Variants in CEP170 observed in about 807,000 individuals in gnomAD.
CEP170 encodes the protein centrosomal protein of 170 kDa.
Under a neutral mutation model 151.9 loss-of-function variants are expected in CEP170, and 21 were observed. The observed-to-expected ratio is 0.14, with a 90% CI of 0.10 to 0.20. The LOEUF (loss-of-function observed/expected upper bound fraction) is 0.20. CEP170 is among the 10% of genes least tolerant of loss of function. The pLI, the probability that CEP170 is intolerant of heterozygous loss-of-function variation, is 1.00. For missense variants in CEP170, 964 were observed against 1,892.9 expected (o/e 0.51, Z 9.11); for synonymous variants, 356 against 648.8 (o/e 0.55, Z 6.86).
At chr1:243,137,381 G>A (rs2055217536) in intron 16 of CEP170, among the ~76,000 whole-genome samples, 1 of 152,212 alleles carries the variant, frequency 6.6e-6, no homozygotes, top group Non-Finnish European at 1.5e-5. Context: ...ACTGGGAGAG[G>A]TGACGGTAAT....
chr1:243,250,729 T>C (rs556364025), intron 1 of CEP170, among the ~76,000 whole-genome samples: 4 of 152,342 alleles, frequency 2.6e-5, no homozygotes, highest in African/African-American at 9.6e-5. Context: ...TACCTTGAAT[T>C]ACATAAATAT....
intron 4 of CEP170, among the ~76,000 whole-genome samples, chr1:243,206,746 G>A (rs1193760020): frequency 6.6e-6 from 1 of 152,008 alleles, no homozygotes; most frequent in East Asian, 1.9e-4. Flanking sequence ...TGTAGTATGG[G>A]GTTTGTGACA....
At chr1:243,149,898 A>G (rs1572255936) in intron 14 of CEP170, among the ~76,000 whole-genome samples, 1 of 151,992 alleles carries the variant, frequency 6.6e-6, no homozygotes, top group Non-Finnish European at 1.5e-5. Flanking sequence ...ATTACAAGTA[A>G]TTTGGTTTTT....
chr1:243,250,877 A>G (rs2065876591), intron 1 of CEP170, among the ~76,000 whole-genome samples: 1 of 152,218 alleles, frequency 6.6e-6, no homozygotes, highest in South Asian at 2.1e-4. Flanking sequence ...GAAAGGGACA[A>G]TTTCACTGCA....
At chr1:243,160,341 A>G (rs1046864877) in intron 13 of CEP170, among the ~76,000 whole-genome samples, 4 of 152,138 alleles carry the variant, frequency 2.6e-5, no homozygotes, top group Non-Finnish European at 5.9e-5. Flanking sequence ...TAGACAGCAT[A>G]TATATTAAAA....
intron 3 of CEP170, among the ~76,000 whole-genome samples, chr1:243,212,592 C>T (rs1045959429): frequency 5.9e-5 from 9 of 152,082 alleles, no homozygotes; most frequent in South Asian, 2.1e-4. Context: ...TTCCAAACAA[C>T]GCTAAAAGTG....
intron 14 of CEP170, among the ~76,000 whole-genome samples, chr1:243,145,014 T>A (rs1020228620): frequency 6.6e-6 from 1 of 152,106 alleles, no homozygotes; most frequent in African/African-American, 2.4e-5. Flanking sequence ...AAGTTTATAA[T>A]TTTCCTATGT....
In CEP170 at chr1:243,166,113, G is replaced by C; in HGVS notation, c.1847C>G (p.Thr616Arg). 1 of 1,612,548 alleles carries C rather than the reference G, an allele frequency of 6.2e-7. No individual in the cohort carries two copies. Among genetic ancestry groups the C allele is most frequent in the Non-Finnish European group, 8.5e-7 (1 of 1,179,308 alleles). The change falls in exon 13 of 20, where the codon ACA becomes AGA. Residue 616 changes from threonine (T) to arginine (R), a missense_variant. Transcript: ENST00000366542. Reference sequence around the variant, plus strand: ...TGTCATGCCAGACTCACTGATCTCTGTCTCTATGAAATAAAAACCACAAAG... The same window carrying C: ...TGTCATGCCAGACTCACTGATCTCTCTCTCTATGAAATAAAAACCACAAAG... Reference protein sequence around the residue: ...FSAPLPLENETEISESGMTVR... With the variant: ...FSAPLPLENEREISESGMTVR...
chr1:243,251,354 T>G (rs571542233), intron 1 of CEP170, among the ~76,000 whole-genome samples: 1 of 152,298 alleles, frequency 6.6e-6, no homozygotes, highest in East Asian at 1.9e-4. Context: ...CCCTTTAACT[T>G]ACTAAAAAAG....
At chr1:243,199,552 GT>G (rs2060887000) in intron 6 of CEP170, among the ~76,000 whole-genome samples, 1 of 152,044 alleles carries the variant, frequency 6.6e-6, no homozygotes, top group Non-Finnish European at 1.5e-5. Context: ...GAACAAGTTT[GT>G]TGAAACTAGA....
At chr1:243,141,632 C>T (rs2055845592) in intron 15 of CEP170, among the ~76,000 whole-genome samples, 1 of 152,120 alleles carries the variant, frequency 6.6e-6, no homozygotes, top group African/African-American at 2.4e-5. Flanking sequence ...CCAAAGAGTA[C>T]CATTAATTTT....
chr1:243,239,338 T>C (rs965236382), intron 1 of CEP170, among the ~76,000 whole-genome samples: 1 of 152,202 alleles, frequency 6.6e-6, no homozygotes, highest in African/African-American at 2.4e-5. Context: ...TAAATATCTT[T>C]CTTTGTGCCT....
chr1:243,183,007 T>C (rs1272927823), intron 10 of CEP170, among the ~76,000 whole-genome samples: 1 of 151,958 alleles, frequency 6.6e-6, no homozygotes, highest in Admixed American at 6.6e-5. Context: ...TAAAGACTTC[T>C]CTGAGGAAGG....
chr1:243,226,439 T>A (rs2063308643), intron 1 of CEP170, among the ~76,000 whole-genome samples: 1 of 151,854 alleles, frequency 6.6e-6, no homozygotes, highest in Admixed American at 6.6e-5. Flanking sequence ...CTTAAAAAAA[T>A]AAAACTGGTA....
intron 6 of CEP170, among the ~76,000 whole-genome samples, chr1:243,199,801 G>A (rs914317464): frequency 1.3e-5 from 2 of 151,536 alleles, no homozygotes; most frequent in African/African-American, 4.8e-5. Context: ...TTTATGTAAG[G>A]CATTTTATAA....
At chr1:243,189,438 T>C (rs1977747) in intron 8 of CEP170, among the ~76,000 whole-genome samples, 129,545 of 151,074 alleles carry the variant, frequency 0.86, 55,656 homozygotes, top group East Asian at 0.93. Context: ...CGCCTGTAGT[T>C]CCAGCTACTC....
intron 13 of CEP170, among the ~76,000 whole-genome samples, chr1:243,160,058 G>C (rs867705091): frequency 6.6e-6 from 1 of 151,970 alleles, no homozygotes; most frequent in Non-Finnish European, 1.5e-5. Context: ...CAAAGTCCTA[G>C]GATTATAGTC....
intron 4 of CEP170, among the ~76,000 whole-genome samples, chr1:243,202,040 A>G (rs2061074943): frequency 6.6e-6 from 1 of 152,206 alleles, no homozygotes; most frequent in African/African-American, 2.4e-5. Context: ...AAACATATGG[A>G]ATCAATCTAA....
At chr1:243,232,379 CAA>C (rs2063841111) in intron 1 of CEP170, among the ~76,000 whole-genome samples, 1 of 152,142 alleles carries the variant, frequency 6.6e-6, no homozygotes, top group Non-Finnish European at 1.5e-5. Flanking sequence ...TAGGAAATCT[CAA>C]AGAGTATGAG....
Sources: allele counts gnomAD v4.1 joint callset (sites outside exome capture counted in the v4.1 genomes callset), GRCh38; gene constraint gnomAD v4.1.1; transcripts MANE v1.5; gene names NCBI Gene and HGNC (gene_info 2026-07-23, HGNC 2026-07-21).